PCDH15: variants seen among roughly 807,000 people sequenced by gnomAD.
PCDH15 encodes protocadherin related 15.
A neutral mutation model predicts 178.5 loss-of-function variants in PCDH15; 129 were observed. That is an observed-to-expected ratio of 0.72 (90% confidence interval 0.63 to 0.84). The LOEUF is 0.84. Ranked by LOEUF, PCDH15 falls within the 40% of genes least tolerant of loss-of-function variation. PCDH15 has a pLI of 0.00. For missense variants in PCDH15, 2,230 were observed against 2,099.9 expected, an observed-to-expected ratio of 1.06 and a Z score of -1.21; for synonymous variants, 800 against 732.0, an observed-to-expected ratio of 1.09 and a Z score of -1.50.
chr10:54,646,565 C>CA, intron 2 of PCDH15, among the ~76,000 whole-genome samples: 1 of 152,160 alleles, frequency 6.6e-6, no homozygotes, highest in South Asian at 2.1e-4. Context: ...GTGATTCCTA[C>CA]ACCACTTATT....
intron 17 of PCDH15, among the ~76,000 whole-genome samples, chr10:54,068,351 T>G (rs779886427): frequency 2.0e-5 from 3 of 152,194 alleles, no homozygotes; most frequent in Non-Finnish European, 4.4e-5. Context: ...TATTCATATG[T>G]GATTTGCACA....
intron 2 of PCDH15, among the ~76,000 whole-genome samples, chr10:55,162,027 T>G: frequency 6.6e-6 from 1 of 152,084 alleles, no homozygotes. Context: ...TATAAACAAG[T>G]TAGGTGGTAA....
At chr10:54,837,707 C>T (rs1953342033) in intron 3 of PCDH15, among the ~76,000 whole-genome samples, 1 of 152,044 alleles carries the variant, frequency 6.6e-6, no homozygotes, top group African/African-American at 2.4e-5. Context: ...TGCTCATACG[C>T]CACTACAGCA....
chr10:53,968,470 C>T (rs2089291567), intron 21 of PCDH15, among the ~76,000 whole-genome samples: 1 of 152,140 alleles, frequency 6.6e-6, no homozygotes, highest in Admixed American at 6.5e-5. Context: ...CTGCAGACTT[C>T]AATATCCCTG....
In PCDH15 at chr10:55,554,076, T is replaced by C. The variant is rs748426905; in HGVS notation, c.-156+73549A>G. On this transcript the variant is annotated intron_variant, in intron 2 of 5. Coordinates refer to the PCDH15 transcript ENST00000613346. ...GTCCATAACAAAAGATATGTAAAAC[T>C]TGTGCTTGTTCCCACTACCTCTGTC... 7.9e-5 allele frequency among the ~76,000 whole-genome samples: 12 copies of C among 152,124 alleles called. No homozygotes were observed. The East Asian group carries it at 2.1e-3, about 27-fold the overall frequency.
At chr10:54,020,540 T>C in intron 19 of PCDH15, 124 bp from the exon 20 acceptor site, 1 of 933,796 alleles carries the variant, frequency 1.1e-6, no homozygotes, top group Non-Finnish European at 1.7e-6. Flanking sequence ...AAGACACGTT[T>C]TTTGTTTTTG....
At chr10:55,010,850 T>G (rs1303726502) in intron 2 of PCDH15, among the ~76,000 whole-genome samples, 2 of 152,102 alleles carry the variant, frequency 1.3e-5, no homozygotes, top group East Asian at 3.9e-4. Context: ...TTATACCATC[T>G]CTCTAGTCTC....
chr10:55,142,571 G>C (rs1263303739), intron 2 of PCDH15, among the ~76,000 whole-genome samples: 3 of 150,356 alleles, frequency 2.0e-5, no homozygotes, highest in Non-Finnish European at 4.4e-5. Context: ...CATAGATTGT[G>C]TGTATCTATA....
rs113314816 is a variant in PCDH15, at chr10:55,274,300, T to A, written c.-156+45299A>T. Among the ~76,000 whole-genome samples the A allele has an allele frequency of 9.2e-5, 14 of 152,234 alleles. No individual in the cohort carries two copies. In the East Asian group the frequency reaches 2.5e-3, roughly 27 times the overall value. On this transcript the variant is annotated intron_variant, in intron 1 of 5. Coordinates refer to the PCDH15 transcript ENST00000458638. The stretch of plus-strand genomic sequence containing the variant: ...GAATTAGCAGAATACCTCAGGATAG[T>A]GAATACTGCCTAAATAGTGAGGTGT...
At chr10:54,151,000 A>T (rs559771117) in intron 14 of PCDH15, among the ~76,000 whole-genome samples, 2 of 152,326 alleles carry the variant, frequency 1.3e-5, no homozygotes, top group African/African-American at 4.8e-5. Flanking sequence ...ATCAGTCATT[A>T]TATCATCAAC....
intron 5 of PCDH15, among the ~76,000 whole-genome samples, chr10:54,359,805 C>T (rs140296952): frequency 8.0e-4 from 120 of 149,434 alleles, no homozygotes; most frequent in African/African-American, 2.9e-3. Context: ...TTAGTCATTC[C>T]TTTAAAATTT....
intron 3 of PCDH15, among the ~76,000 whole-genome samples, chr10:54,859,314 C>T (rs555989786): frequency 1.3e-5 from 2 of 152,166 alleles, no homozygotes; most frequent in African/African-American, 2.4e-5. Flanking sequence ...AAAATCCTTT[C>T]ATATTTGTCC....
intron 1 of PCDH15, among the ~76,000 whole-genome samples, chr10:54,751,885 A>G (rs1946278361): frequency 6.6e-6 from 1 of 152,186 alleles, no homozygotes; most frequent in Non-Finnish European, 1.5e-5. Flanking sequence ...TCCCAATATT[A>G]TAAAAAGGGT....
intron 1 of PCDH15, among the ~76,000 whole-genome samples, chr10:55,175,663 C>CAAAAAAAAA (rs71014459): frequency 1.6e-4 from 17 of 106,594 alleles, no homozygotes; most frequent in Non-Finnish European, 2.1e-4. Flanking sequence ...GACTCTGTCT[C>CAAAAAAAAA]AAAAAAAAAA....
chr10:55,003,012 G>A (rs1222731116), intron 2 of PCDH15, among the ~76,000 whole-genome samples: 2 of 152,122 alleles, frequency 1.3e-5, no homozygotes, highest in Non-Finnish European at 2.9e-5. Context: ...TTATATAGAT[G>A]TGTTGTTAAT....
intron 1 of PCDH15, among the ~76,000 whole-genome samples, chr10:54,769,313 C>A (rs1253460572): frequency 7.6e-6 from 1 of 131,364 alleles, no homozygotes; most frequent in African/African-American, 2.9e-5. Flanking sequence ...CAGCAGAGTA[C>A]GCAATGCCTT....
chr10:55,601,088 A>G (rs1843066246), intron 2 of PCDH15, among the ~76,000 whole-genome samples: 1 of 152,086 alleles, frequency 6.6e-6, no homozygotes, highest in Non-Finnish European at 1.5e-5. Context: ...GAGCTTTTAC[A>G]ATGCTCCATG....
At chr10:55,032,088 AGAG>A (rs918130940) in intron 2 of PCDH15, among the ~76,000 whole-genome samples, 26 of 152,204 alleles carry the variant, frequency 1.7e-4, no homozygotes, top group Non-Finnish European at 3.5e-4. Context: ...AGGGCTCAGA[AGAG>A]GAGAACTGCA....
chr10:54,707,582 A>G (rs964221222), intron 1 of PCDH15, among the ~76,000 whole-genome samples: 17 of 152,212 alleles, frequency 1.1e-4, no homozygotes, highest in African/African-American at 3.4e-4. Flanking sequence ...ATGTAGATTT[A>G]AGATTCCTGA....
Sources: allele counts gnomAD v4.1 joint callset (sites outside exome capture counted in the v4.1 genomes callset), GRCh38; gene constraint gnomAD v4.1.1; transcripts MANE v1.5; gene names NCBI Gene and HGNC (gene_info 2026-07-23, HGNC 2026-07-21).